Variants in TTLL10 observed in about 807,000 individuals in gnomAD.
The protein encoded by TTLL10 is tubulin tyrosine ligase like 10.
Under a neutral mutation model 69.0 loss-of-function variants are expected in TTLL10, and 61 were observed. The observed-to-expected ratio is 0.88, with a 90% CI of 0.72 to 1.09. The LOEUF (loss-of-function observed/expected upper bound fraction) is 1.09, where lower values mean the gene tolerates loss of function less well. Among genes scored for constraint, TTLL10 ranks in the 50% least tolerant of loss-of-function variants. TTLL10 has a pLI of 0.00. For missense variants in TTLL10, 962 were observed against 945.9 expected (o/e 1.02, Z -0.22); for synonymous variants, 408 against 393.3 (o/e 1.04, Z -0.44).
At chr1:1,179,511 C>T (rs1646975239) in intron 4 of TTLL10, 146 bp from the exon 5 acceptor site, 3 of 1,383,756 alleles carry the variant, frequency 2.2e-6, no homozygotes, top group South Asian at 2.7e-5. Context: ...TCTGCAGGCA[C>T]AGAGGGGAGC....
At chr1:1,186,876 C>T (rs1436288262) in intron 13 of TTLL10, among the ~76,000 whole-genome samples, 5 of 149,064 alleles carry the variant, frequency 3.4e-5, no homozygotes, top group African/African-American at 5.0e-5. Flanking sequence ...GACAGAGGCT[C>T]GCTCTGTCGT....
At chr1:1,180,921 CT>C in intron 8 of TTLL10, 61 bp downstream of exon 8, 1 of 1,441,692 alleles carries the variant, frequency 6.9e-7, no homozygotes, top group Non-Finnish European at 9.2e-7. Context: ...GCCCCTGCCC[CT>C]GCCCCTGCAC....
chr1:1,180,992 G>T, intron 8 of TTLL10, 132 bp downstream of exon 8: 6 of 820,014 alleles, frequency 7.3e-6, no homozygotes, highest in Non-Finnish European at 8.6e-6. Context: ...GGCCACCCAG[G>T]CTCCCAGGCT....
At chr1:1,183,124 G>A (rs552655548) in intron 11 of TTLL10, 77 bp downstream of exon 11, 148 of 1,469,978 alleles carry the variant, frequency 1.0e-4, no homozygotes, top group African/African-American at 4.1e-4. Flanking sequence ...CAGCAGGGCC[G>A]CCGAGGAGCC....
In TTLL10 at chr1:1,179,428, T is replaced by TGGGGCA; in HGVS notation, c.118+104_118+109dup. On this transcript the variant is annotated intron_variant, in intron 4 of 15. Coordinates refer to ENST00000379289, the MANE Select transcript of TTLL10 (RefSeq NM_001130045.2). ...TACCCAAGGAAGTCAGTCGGCCTCA[T>TGGGGCA]GGGGCAGGGGCAGGATCCACACATG... 4.5e-6 allele frequency: 6 copies of TGGGGCA among 1,329,210 alleles called. No individual in the cohort carries two copies. The South Asian group carries it at 7.6e-5, about 17-fold the overall frequency. 82.3% of individuals were successfully genotyped at this position (1,329,210 alleles called of 1,614,324 possible).
chr1:1,186,100 T>C (rs12063663), intron 13 of TTLL10, among the ~76,000 whole-genome samples: 17,797 of 151,592 alleles, frequency 0.12, 1,241 homozygotes, highest in African/African-American at 0.17. Context: ...TTCTTTTTTT[T>C]TTTTTTGAGA....
intron 13 of TTLL10, among the ~76,000 whole-genome samples, chr1:1,188,705 T>C (rs1647526551): frequency 6.6e-6 from 1 of 152,104 alleles, no homozygotes; most frequent in African/African-American, 2.4e-5. Context: ...ACACCCAGCC[T>C]CATCGAAATT....
rs1648351647 is a variant in TTLL10, at chr1:1,197,796, C to T, written c.1971C>T (p.Ser657=). ...TGNRHPAQEP[S]PGTAKEEREE... is the part of the protein sequence containing the mutation. ...ACAGGCACCCGGCGCAAGAGCCTTCCCCGGGGACAGCCAAGGAGGAACGCG... is the reference window on the plus strand; with the variant it reads ...ACAGGCACCCGGCGCAAGAGCCTTCTCCGGGGACAGCCAAGGAGGAACGCG... The change falls in exon 16 of 16, where the codon TCC becomes TCT. Residue 657 remains serine (S), a synonymous_variant. Coordinates refer to ENST00000379289, the MANE Select transcript of TTLL10 (RefSeq NM_001130045.2). 6.5e-7 allele frequency: 1 copy of T among 1,528,266 alleles called. No homozygotes were observed. 94.7% of individuals were successfully genotyped at this position (1,528,266 alleles called of 1,614,324 possible).
Position 1,179,671 on chromosome 1 carries a change from T to A in TTLL10, c.133T>A (p.Ser45Thr), listed in dbSNP as rs1238045565. The change falls in exon 5 of 16, where the codon TCA (serine) becomes ACA (threonine). Residue 45 changes from serine (S) to threonine (T), a missense_variant. Coordinates refer to ENST00000379289, the MANE Select transcript of TTLL10 (RefSeq NM_001130045.2). Reference sequence around the variant, plus strand: ...CTGCCCTCCAGGGACCATCCCTGCGTCACGTCTGCACCCAGCACCGGCCTC... The same window carrying A: ...CTGCCCTCCAGGGACCATCCCTGCGACACGTCTGCACCCAGCACCGGCCTC... The part of the protein sequence containing the change: ...RARVSGTIPA[S>T]RLHPAPASQP... 7 of 1,550,906 alleles carry A rather than the reference T, an allele frequency of 4.5e-6. No homozygotes were observed. The Admixed American group carries it at 1.2e-4, about 26-fold the overall frequency.
chr1:1,195,581 G>C (rs1380351001), intron 13 of TTLL10, among the ~76,000 whole-genome samples: 1 of 143,154 alleles, frequency 7.0e-6, no homozygotes, highest in Non-Finnish European at 1.5e-5. Context: ...CTGACCTCAG[G>C]TGATCCACCC....
chr1:1,183,144 G>A (rs1305210441), intron 11 of TTLL10, 97 bp downstream of exon 11: 77 of 1,414,670 alleles, frequency 5.4e-5, no homozygotes, highest in Non-Finnish European at 2.3e-5. Context: ...CCTTGGTCGT[G>A]GAAAGCAGCC....
intron 4 of TTLL10, 139 bp downstream of exon 4, chr1:1,179,472 G>A (rs1270330225): frequency 1.8e-5 from 23 of 1,252,286 alleles, no homozygotes; most frequent in South Asian, 1.6e-4. Flanking sequence ...CCGCTGCTCC[G>A]AGAGAGGGGC....
intron 3 of TTLL10, 67 bp from the exon 4 acceptor site, chr1:1,179,122 C>A: frequency 8.9e-7 from 1 of 1,126,496 alleles, no homozygotes; most frequent in Non-Finnish European, 1.2e-6. Flanking sequence ...CCTGCTCCAT[C>A]CAAGCACTGG....
rs756336301 is a variant in TTLL10, at chr1:1,197,883, G to A, written c.*36G>A. On this transcript the variant is annotated 3_prime_UTR_variant, in exon 16 of 16. Coordinates refer to ENST00000379289, the MANE Select transcript of TTLL10 (RefSeq NM_001130045.2). ...CCGCGCCCAGCGCCCCGCGCCCCGC[G>A]CCCCAGCCGTGCTGCCTGCCCTCAG... The A allele has an allele frequency of 1.3e-5, 18 of 1,393,260 alleles. No homozygotes were observed. In the East Asian group the frequency reaches 4.5e-4, roughly 35 times the overall value. 86.3% of individuals were successfully genotyped at this position (1,393,260 alleles called of 1,614,324 possible). A position where few individuals can be genotyped will look rare whatever the true frequency, so the allele number is the denominator to read the frequency against.
chr1:1,189,258 C>A (rs1647567709), intron 13 of TTLL10, among the ~76,000 whole-genome samples: 1 of 152,198 alleles, frequency 6.6e-6, no homozygotes, highest in Non-Finnish European at 1.5e-5. Flanking sequence ...TAAATGCCCT[C>A]GTCAGGTTGA....
chr1:1,184,158 G>T, intron 12 of TTLL10, 67 bp downstream of exon 12: 1 of 1,596,212 alleles, frequency 6.3e-7, no homozygotes. Flanking sequence ...GGTTCTCACT[G>T]CTAGGGGGTG....
intron 11 of TTLL10, among the ~76,000 whole-genome samples, chr1:1,183,466 C>T (rs1297436058): frequency 6.6e-6 from 1 of 152,080 alleles, no homozygotes; most frequent in African/African-American, 2.4e-5. Flanking sequence ...AGGTTTAGAC[C>T]TGTCGACCTC....
intron 13 of TTLL10, among the ~76,000 whole-genome samples, chr1:1,193,707 T>C (rs1300943636): frequency 2.0e-5 from 3 of 152,134 alleles, no homozygotes; most frequent in African/African-American, 7.2e-5. Flanking sequence ...TCAGGTGATC[T>C]ACCCGCCTCA....
chr1:1,187,742 T>C (rs2100901582), intron 13 of TTLL10, among the ~76,000 whole-genome samples: 1 of 152,196 alleles, frequency 6.6e-6, no homozygotes, highest in African/African-American at 2.4e-5. Context: ...CCATCTCTAC[T>C]AAAAATACAA....
Sources: allele counts gnomAD v4.1 joint callset (sites outside exome capture counted in the v4.1 genomes callset), GRCh38; gene constraint gnomAD v4.1.1; transcripts MANE v1.5; gene names NCBI Gene and HGNC (gene_info 2026-07-23, HGNC 2026-07-21).